Variants in ERC2 observed in about 807,000 individuals in gnomAD.
The protein encoded by ERC2 is ERC protein 2.
In ERC2, 42 loss-of-function variants were observed where a neutral mutation model predicts 114.8. The observed-to-expected ratio is 0.37, with a 90% confidence interval of 0.29 to 0.47. The LOEUF (loss-of-function observed/expected upper bound fraction) is 0.47. Ranked by LOEUF, ERC2 falls within the 20% of genes least tolerant of loss-of-function variation. The pLI is 0.99. For missense variants in ERC2, 939 were observed against 1,150.7 expected, an observed-to-expected ratio of 0.82 and a Z score of 2.66; for synonymous variants, 454 against 425.5, an observed-to-expected ratio of 1.07 and a Z score of -0.82.
intron 7 of ERC2, among the ~76,000 whole-genome samples, chr3:56,039,308 A>G (rs1205675265): frequency 6.6e-6 from 1 of 152,226 alleles, no homozygotes. Context: ...ATGTTGCAGG[A>G]TAGAAAGTTA....
intron 17 of ERC2, among the ~76,000 whole-genome samples, chr3:55,677,855 G>T (rs758552584): frequency 6.6e-6 from 1 of 152,124 alleles, no homozygotes; most frequent in African/African-American, 2.4e-5. Context: ...GCTTATGGAC[G>T]CCTGCTTGAG....
intron 12 of ERC2, among the ~76,000 whole-genome samples, chr3:55,960,857 G>A (rs953768250): frequency 3.3e-5 from 5 of 152,362 alleles, no homozygotes; most frequent in South Asian, 2.1e-4. Context: ...TGTGTTGGCC[G>A]GGCATGGTGG....
At chr3:56,382,894 G>T (rs1177687807) in intron 2 of ERC2, among the ~76,000 whole-genome samples, 2 of 152,006 alleles carry the variant, frequency 1.3e-5, no homozygotes, top group Non-Finnish European at 2.9e-5. Context: ...ATACCCCAAG[G>T]TTCAGATGCC....
chr3:56,225,331 A>G (rs1033875980), intron 3 of ERC2, among the ~76,000 whole-genome samples: 1 of 152,212 alleles, frequency 6.6e-6, no homozygotes, highest in Non-Finnish European at 1.5e-5. Context: ...ATTGGACATA[A>G]TAGTTCTCAC....
intron 17 of ERC2, among the ~76,000 whole-genome samples, chr3:55,514,322 G>A (rs1439743250): frequency 2.0e-5 from 3 of 152,162 alleles, no homozygotes; most frequent in African/African-American, 7.2e-5. Flanking sequence ...AACTGAACTG[G>A]GGAGGTCGAG....
At position 56,385,293 on chromosome 3, in the gene ERC2, G is replaced by A. The variant is rs139930916; in HGVS notation, c.657+49058C>T. ...CTTACTGTGTCCTCATATTGTAGAA[G>A]AGGCCAAGCAGCAATCTGGTGCCTC... On this transcript the variant is annotated intron_variant, in intron 2 of 17. Transcript: ENST00000288221. 3.2e-4 allele frequency among the ~76,000 whole-genome samples: 49 copies of A among 152,216 alleles called. No individual in the cohort carries two copies. The East Asian group carries it at 8.5e-3, about 26-fold the overall frequency.
At chr3:55,601,557 C>A (rs1345997947) in intron 17 of ERC2, among the ~76,000 whole-genome samples, 2 of 152,206 alleles carry the variant, frequency 1.3e-5, no homozygotes, top group Non-Finnish European at 2.9e-5. Context: ...CTGTAAAATG[C>A]CACGAGTCCA....
chr3:56,032,884 AAAG>A (rs1417615143), intron 7 of ERC2, among the ~76,000 whole-genome samples: 1 of 115,898 alleles, frequency 8.6e-6, no homozygotes, highest in Non-Finnish European at 1.9e-5. Context: ...AGAAAGAAAG[AAAG>A]AGAGAGAGAG....
intron 17 of ERC2, among the ~76,000 whole-genome samples, chr3:55,619,437 C>T (rs926658881): frequency 1.3e-5 from 2 of 152,208 alleles, no homozygotes; most frequent in African/African-American, 2.4e-5. Flanking sequence ...CACTGATCCT[C>T]GCACATTTCT....
At chr3:55,998,308 C>A (rs2071763841) in intron 10 of ERC2, among the ~76,000 whole-genome samples, 1 of 151,952 alleles carries the variant, frequency 6.6e-6, no homozygotes, top group Non-Finnish European at 1.5e-5. Flanking sequence ...TTCTAAAGAT[C>A]CCCCAAACAA....
At chr3:55,994,978 G>A (rs529513618) in intron 10 of ERC2, among the ~76,000 whole-genome samples, 5 of 152,168 alleles carry the variant, frequency 3.3e-5, no homozygotes, top group African/African-American at 1.2e-4. Context: ...CCAAGTTTAC[G>A]ACTGGCCTGG....
intron 17 of ERC2, among the ~76,000 whole-genome samples, chr3:55,572,877 A>T (rs1407072087): frequency 1.3e-5 from 2 of 152,178 alleles, no homozygotes; most frequent in South Asian, 2.1e-4. Context: ...CTACTCTATC[A>T]CTTTAATTCA....
At chr3:55,748,943 CTTTG>C (rs1318335933) in intron 14 of ERC2, among the ~76,000 whole-genome samples, 1 of 152,166 alleles carries the variant, frequency 6.6e-6, no homozygotes, top group African/African-American at 2.4e-5. Context: ...TTATTGGTTT[CTTTG>C]TTTGCTTACA....
intron 17 of ERC2, among the ~76,000 whole-genome samples, chr3:55,548,355 C>G (rs927965929): frequency 6.6e-6 from 1 of 152,238 alleles, no homozygotes; most frequent in Non-Finnish European, 1.5e-5. Flanking sequence ...AATTACTCTA[C>G]TAATTGACTA....
chr3:55,609,812 C>T (rs548311959), intron 17 of ERC2, among the ~76,000 whole-genome samples: 1 of 152,110 alleles, frequency 6.6e-6, no homozygotes, highest in Admixed American at 6.6e-5. Context: ...AACTAAACAT[C>T]CTTGTAACTT....
At chr3:55,693,022 C>T (rs578243352) in intron 16 of ERC2, among the ~76,000 whole-genome samples, 1 of 152,298 alleles carries the variant, frequency 6.6e-6, no homozygotes, top group South Asian at 2.1e-4. Flanking sequence ...ACATTCAATG[C>T]TCTGAAATAT....
chr3:55,775,407 C>T (rs2068517023), intron 14 of ERC2, among the ~76,000 whole-genome samples: 1 of 151,936 alleles, frequency 6.6e-6, no homozygotes, highest in Admixed American at 6.6e-5. Flanking sequence ...TTGTGCATGC[C>T]TGTGGTTCGA....
At chr3:55,913,222 A>G (rs2064912307) in intron 13 of ERC2, among the ~76,000 whole-genome samples, 3 of 152,154 alleles carry the variant, frequency 2.0e-5, no homozygotes, top group African/African-American at 7.2e-5. Context: ...CGACAAAATA[A>G]CATGGATGTT....
chr3:55,728,785 G>A (rs1351296437), intron 15 of ERC2, among the ~76,000 whole-genome samples: 5 of 152,204 alleles, frequency 3.3e-5, no homozygotes, highest in African/African-American at 4.8e-5. Flanking sequence ...TTGACAGCAA[G>A]GAAGGTCAAG....
Sources: allele counts gnomAD v4.1 joint callset (sites outside exome capture counted in the v4.1 genomes callset), GRCh38; gene constraint gnomAD v4.1.1; transcripts MANE v1.5; gene names NCBI Gene and HGNC (gene_info 2026-07-23, HGNC 2026-07-21).